The following ASTN1 variants were observed in gnomAD, a reference collection of about 807,000 sequenced individuals.
ASTN1 encodes astrotactin 1.
In ASTN1, 41 loss-of-function variants were observed where a neutral mutation model predicts 140.7. The ratio of observed to expected loss-of-function variants is 0.29; its 90% CI spans 0.23 to 0.38. The LOEUF is 0.38. Ranked by LOEUF, ASTN1 falls within the 10% of genes least tolerant of loss-of-function variation. ASTN1 has a pLI of 1.00. For synonymous variants in ASTN1, 640 were observed against 652.2 expected, an observed-to-expected ratio of 0.98 and a Z score of 0.29; for missense variants, 1,479 against 1,678.8, an observed-to-expected ratio of 0.88 and a Z score of 2.08.
At chr1:176,978,320 G>A (rs1170193550) in intron 8 of ASTN1, among the ~76,000 whole-genome samples, 2 of 152,206 alleles carry the variant, frequency 1.3e-5, no homozygotes, top group Admixed American at 6.5e-5. Flanking sequence ...CAGGAAGATA[G>A]CACCAAGATT....
intron 1 of ASTN1, among the ~76,000 whole-genome samples, chr1:177,108,128 T>A (rs1680637928): frequency 6.6e-6 from 1 of 151,990 alleles, no homozygotes; most frequent in Non-Finnish European, 1.5e-5. Context: ...GGTGGGCAGA[T>A]CACAAGGTCA....
At position 177,028,110 on chromosome 1, in the gene ASTN1, T is replaced by G. The variant is rs12040895; in HGVS notation, c.1120+1524A>C. Among the ~76,000 whole-genome samples the G allele has an allele frequency of 5.8e-4, 88 of 152,310 alleles. 1 individual carries two copies. The East Asian group carries it at 0.017, about 29-fold the overall frequency. On this transcript the variant is annotated intron_variant, in intron 5 of 22. Coordinates refer to ENST00000361833, the MANE Select transcript of ASTN1 (RefSeq NM_004319.3). Reference sequence around the variant, plus strand: ...CACCCCTAAGAAGCTTACAGTCTGGTTAATAGCGTAAAAAGTTGATGCATT... The same window carrying G: ...CACCCCTAAGAAGCTTACAGTCTGGGTAATAGCGTAAAAAGTTGATGCATT...
chr1:177,126,812 G>A (rs1200269460), intron 1 of ASTN1, among the ~76,000 whole-genome samples: 1 of 152,068 alleles, frequency 6.6e-6, no homozygotes, highest in African/African-American at 2.4e-5. Flanking sequence ...ACATAATTTA[G>A]TGCATGCCTC....
At chr1:177,154,826 T>C (rs1683175282) in intron 1 of ASTN1, among the ~76,000 whole-genome samples, 1 of 152,074 alleles carries the variant, frequency 6.6e-6, no homozygotes, top group African/African-American at 2.4e-5. Context: ...TATAATAAAA[T>C]ATGCTGTGAA....
At chr1:177,104,027 C>G (rs562176684) in intron 1 of ASTN1, among the ~76,000 whole-genome samples, 47 of 152,240 alleles carry the variant, frequency 3.1e-4, no homozygotes, top group Admixed American at 6.5e-4. Flanking sequence ...ACGCATCCAA[C>G]AAGCACTTGT....
At chr1:176,939,334 T>C (rs1671588357) in intron 14 of ASTN1, among the ~76,000 whole-genome samples, 1 of 152,012 alleles carries the variant, frequency 6.6e-6, no homozygotes, top group Admixed American at 6.6e-5. Flanking sequence ...AGCACAGATG[T>C]TGGGTGGGGA....
chr1:177,075,305 C>T (rs930355980), intron 1 of ASTN1, among the ~76,000 whole-genome samples: 15 of 151,972 alleles, frequency 9.9e-5, no homozygotes, highest in Non-Finnish European at 1.8e-4. Flanking sequence ...AACTCCTGAC[C>T]TCGTGATCCA....
intron 1 of ASTN1, among the ~76,000 whole-genome samples, chr1:177,086,028 G>T (rs1392102227): frequency 1.3e-5 from 2 of 152,042 alleles, no homozygotes; most frequent in African/African-American, 4.8e-5. Flanking sequence ...CCTGGAAAGG[G>T]GTCTGCAGAG....
chr1:176,954,045 G>T (rs959734845), intron 11 of ASTN1, among the ~76,000 whole-genome samples: 2 of 152,194 alleles, frequency 1.3e-5, no homozygotes, highest in African/African-American at 4.8e-5. Flanking sequence ...CCTGGCTAAA[G>T]CTCAGAGCAG....
intron 8 of ASTN1, among the ~76,000 whole-genome samples, chr1:177,004,293 A>G (rs1309287947): frequency 3.3e-5 from 5 of 152,160 alleles, no homozygotes; most frequent in East Asian, 1.9e-4. Context: ...GGAGAACTCT[A>G]CAAAACACTG....
chr1:177,008,657 A>G (rs1675128542), intron 8 of ASTN1, among the ~76,000 whole-genome samples: 1 of 151,712 alleles, frequency 6.6e-6, no homozygotes, highest in Non-Finnish European at 1.5e-5. Flanking sequence ...GAGAAGGAGG[A>G]TGAATAAAAT....
chr1:177,106,294 C>CATCT (rs1188107374), intron 1 of ASTN1, among the ~76,000 whole-genome samples: 2 of 152,062 alleles, frequency 1.3e-5, no homozygotes, highest in African/African-American at 4.8e-5. Context: ...ACAAATGTAT[C>CATCT]CTTTATATTC....
chr1:177,136,555 T>C (rs894514891), intron 1 of ASTN1, among the ~76,000 whole-genome samples: 4 of 152,108 alleles, frequency 2.6e-5, no homozygotes, highest in African/African-American at 7.2e-5. Context: ...GGTTTCACCA[T>C]GTTGGCCATG....
At chr1:176,914,448 C>T (rs1344148526) in intron 16 of ASTN1, among the ~76,000 whole-genome samples, 1 of 152,146 alleles carries the variant, frequency 6.6e-6, no homozygotes, top group African/African-American at 2.4e-5. Context: ...GTGAAGGTGG[C>T]CACAGAGGTC....
intron 4 of ASTN1, 138 bp from the exon 5 acceptor site, chr1:177,029,879 G>T: frequency 3.8e-6 from 3 of 799,276 alleles, no homozygotes; most frequent in East Asian, 5.5e-5. Context: ...AGCCAAGGGG[G>T]TTGGGGCTTC....
chr1:176,943,413 C>T (rs1440636843), intron 14 of ASTN1, among the ~76,000 whole-genome samples: 4 of 152,124 alleles, frequency 2.6e-5, no homozygotes, highest in African/African-American at 9.7e-5. Context: ...TGTCTAATGG[C>T]ACACAGCTAG....
intron 20 of ASTN1, among the ~76,000 whole-genome samples, chr1:176,880,800 A>G (rs779601026): frequency 5.3e-5 from 8 of 152,130 alleles, no homozygotes; most frequent in Non-Finnish European, 8.8e-5. Context: ...AGGCTTGCAT[A>G]CCCGAAGCAA....
Position 176,894,689 on chromosome 1 carries a change from C to A in ASTN1, c.2813G>T (p.Arg938Leu). 6.2e-7 allele frequency: 1 copy of A among 1,614,110 alleles called. No homozygotes were observed. Among genetic ancestry groups the A allele is most frequent in the Non-Finnish European group, 8.5e-7 (1 of 1,180,022 alleles). Reference sequence around the variant, plus strand: ...ACACAGGGGGCAGGACGAGGGGCATCGTCCCTTGCTGTGGCACTCCATGCG... The same window carrying A: ...ACACAGGGGGCAGGACGAGGGGCATAGTCCCTTGCTGTGGCACTCCATGCG... The part of the protein sequence containing the change: ...GVRMECHSKG[R>L]CPSSCPLCHV... Residue 938 changes from arginine to leucine, a missense_variant, in exon 17 of 23, where the codon CGA becomes CTA. Physicochemically the swap from Arg to Leu is moderately radical, Grantham distance 102. This residue lies in a region of ASTN1 where 746 missense variants were observed against 800.9 expected (regional missense o/e 0.93). Transcript: ENST00000361833.
chr1:176,906,843 CAAAA>C (rs35062067), intron 16 of ASTN1, among the ~76,000 whole-genome samples: 3 of 86,504 alleles, frequency 3.5e-5, no homozygotes, highest in African/African-American at 4.1e-5. Context: ...GACTCTCTCT[CAAAA>C]AAAAAAAAAA....
Sources: allele counts gnomAD v4.1 joint callset (sites outside exome capture counted in the v4.1 genomes callset), GRCh38; gene constraint gnomAD v4.1.1; regional missense constraint gnomAD v4.1.1; transcripts MANE v1.5; gene names NCBI Gene and HGNC (gene_info 2026-07-23, HGNC 2026-07-21).